Variants in WDPCP observed in about 807,000 individuals in gnomAD.
WDPCP encodes the protein WD repeat-containing and planar cell polarity effector protein fritz homolog.
Under a neutral mutation model 93.1 loss-of-function variants are expected in WDPCP, and 71 were observed. The ratio of observed to expected loss-of-function variants is 0.76; its 90% CI spans 0.63 to 0.93. WDPCP has a LOEUF of 0.93. WDPCP is among the 40% of genes least tolerant of loss of function. WDPCP has a pLI of 0.00. For missense variants in WDPCP, 844 were observed against 887.4 expected, an observed-to-expected ratio of 0.95 and a Z score of 0.62; for synonymous variants, 315 against 315.0, an observed-to-expected ratio of 1.00 and a Z score of 0.00.
intron 2 of WDPCP, among the ~76,000 whole-genome samples, chr2:63,751,408 T>A (rs1669880232): frequency 6.6e-6 from 1 of 152,068 alleles, no homozygotes; most frequent in Non-Finnish European, 1.5e-5. Context: ...ATCAACAGCA[T>A]GGGTGCAAAA....
intron 14 of WDPCP, among the ~76,000 whole-genome samples, chr2:63,205,758 T>C (rs976085647): frequency 6.6e-6 from 1 of 152,218 alleles, no homozygotes; most frequent in Non-Finnish European, 1.5e-5. Context: ...TGTAAGATCA[T>C]AGCATCTGCA....
intron 12 of WDPCP, chr2:63,369,602 C>A: frequency 2.3e-6 from 1 of 438,078 alleles, no homozygotes; most frequent in Non-Finnish European, 4.6e-6. Flanking sequence ...TAACTAATGT[C>A]TAGGGTGAAG....
At chr2:63,715,734 A>G (rs1558892566) in intron 2 of WDPCP, among the ~76,000 whole-genome samples, 1 of 152,232 alleles carries the variant, frequency 6.6e-6, no homozygotes, top group Non-Finnish European at 1.5e-5. Context: ...ATTCCATTGC[A>G]TTTAAATTTT....
chr2:63,347,683 G>C (rs564787081), intron 12 of WDPCP, among the ~76,000 whole-genome samples: 2 of 152,122 alleles, frequency 1.3e-5, no homozygotes, highest in East Asian at 1.9e-4. Flanking sequence ...TGTTTTTGTG[G>C]GGGGGTCATT....
At chr2:63,602,507 A>C (rs1263893899) in intron 3 of WDPCP, among the ~76,000 whole-genome samples, 1 of 152,146 alleles carries the variant, frequency 6.6e-6, no homozygotes, top group Admixed American at 6.5e-5. Context: ...TGAACTACAC[A>C]ATACTATTAA....
At chr2:63,130,015 C>A (rs1257269374) in intron 17 of WDPCP, among the ~76,000 whole-genome samples, 1 of 152,268 alleles carries the variant, frequency 6.6e-6, no homozygotes, top group East Asian at 1.9e-4. Flanking sequence ...AGATGAGGAA[C>A]TCATGGATAC....
At chr2:63,290,683 G>C (rs1380539551) in intron 13 of WDPCP, among the ~76,000 whole-genome samples, 4 of 152,120 alleles carry the variant, frequency 2.6e-5, no homozygotes, top group Non-Finnish European at 5.9e-5. Flanking sequence ...CTGGATATAA[G>C]ATTTTGAGTT....
intron 14 of WDPCP, among the ~76,000 whole-genome samples, chr2:63,215,045 T>C (rs1677194738): frequency 6.6e-6 from 1 of 152,206 alleles, no homozygotes; most frequent in Non-Finnish European, 1.5e-5. Flanking sequence ...ATGGCCATAC[T>C]GCCCAAGGTA....
At chr2:63,583,103 A>G (rs775018744) in intron 1 of WDPCP, among the ~76,000 whole-genome samples, 1 of 152,228 alleles carries the variant, frequency 6.6e-6, no homozygotes, top group African/African-American at 2.4e-5. Context: ...ATAACATGTA[A>G]AAGTAAAGTG....
chr2:63,608,726 C>G (rs1300284610), intron 3 of WDPCP, among the ~76,000 whole-genome samples: 3 of 152,072 alleles, frequency 2.0e-5, no homozygotes, highest in Non-Finnish European at 4.4e-5. Context: ...AAGAGGATCA[C>G]CTAGGCAAAG....
rs796763399 is a variant in WDPCP, at chr2:63,763,910, A to G, written n.308+49712T>C. On this transcript the variant is annotated intron_variant and non_coding_transcript_variant, in intron 2 of 4. Transcript: ENST00000467687. Reference sequence around the variant, plus strand: ...GATGGCCAGATCTCTAGGGAATTCTATGACCTCAGTGATGACTGACTAAAA... The same window carrying G: ...GATGGCCAGATCTCTAGGGAATTCTGTGACCTCAGTGATGACTGACTAAAA... 3.3e-5 allele frequency among the ~76,000 whole-genome samples: 5 copies of G among 152,266 alleles called. 1 individual carries two copies. Among genetic ancestry groups the G allele is most frequent in the African/African-American group, 9.6e-5 (4 of 41,546 alleles).
upstream of WDPCP, among the ~76,000 whole-genome samples, chr2:63,828,530 TCAAA>T (rs1671146689): frequency 6.6e-6 from 1 of 152,194 alleles, no homozygotes; most frequent in African/African-American, 2.4e-5. Flanking sequence ...TGCCTAAGGC[TCAAA>T]CATTTGTTGA....
intron 3 of WDPCP, among the ~76,000 whole-genome samples, chr2:63,649,306 G>A (rs924028118): frequency 2.0e-5 from 3 of 152,162 alleles, no homozygotes; most frequent in African/African-American, 7.2e-5. Context: ...CATACAACAT[G>A]TGGTCTTTTG....
chr2:63,210,057 T>A (rs1676645495), intron 14 of WDPCP, among the ~76,000 whole-genome samples: 1 of 152,050 alleles, frequency 6.6e-6, no homozygotes, highest in East Asian at 1.9e-4. Context: ...ATGTATTAAC[T>A]TGTCATTAGA....
intron 1 of WDPCP, among the ~76,000 whole-genome samples, chr2:63,493,382 C>A (rs1701015701): frequency 6.6e-6 from 1 of 152,040 alleles, no homozygotes; most frequent in African/African-American, 2.4e-5. Flanking sequence ...ATCCTACATA[C>A]AAACAGGCTA....
intron 2 of WDPCP, among the ~76,000 whole-genome samples, chr2:63,770,674 C>T (rs573111403): frequency 1.9e-4 from 29 of 151,954 alleles, no homozygotes; most frequent in African/African-American, 6.7e-4. Context: ...GAGGTCCTTT[C>T]AAGGAGTCTA....
At chr2:63,593,594 G>A (rs1439959999), upstream of WDPCP, 1 of 471,658 alleles carries the variant, frequency 2.1e-6, no homozygotes, top group Admixed American at 2.3e-5. Context: ...ACACTTCTGG[G>A]CTTAGTCACA....
intron 6 of WDPCP, chr2:63,442,345 C>T (rs776747412): frequency 1.3e-5 from 2 of 152,126 alleles, no homozygotes; most frequent in Non-Finnish European, 2.9e-5. Context: ...TAGAATAATG[C>T]CTGGCACACA....
intron 15 of WDPCP, among the ~76,000 whole-genome samples, chr2:63,160,586 C>T (rs1672580261): frequency 6.6e-6 from 1 of 152,118 alleles, no homozygotes; most frequent in African/African-American, 2.4e-5. Flanking sequence ...AATTTATTAT[C>T]CTAAAAACTG....
Sources: gnomAD v4.1 joint callset for allele counts (sites outside exome capture counted in the v4.1 genomes callset) on GRCh38, gnomAD v4.1.1 for gene constraint, MANE v1.5 for transcripts, NCBI Gene and HGNC (gene_info 2026-07-23, HGNC 2026-07-21) for gene names.